Variants in DLEU7 observed in about 807,000 individuals in gnomAD.
DLEU7 encodes deleted in lymphocytic leukemia 7.
Under a neutral mutation model 16.0 loss-of-function variants are expected in DLEU7, and 17 were observed. The observed-to-expected ratio is 1.06, with a 90% confidence interval of 0.73 to 1.59. The LOEUF (loss-of-function observed/expected upper bound fraction) is 1.59. Among genes scored for constraint, DLEU7 ranks in the 40% most tolerant of loss-of-function variants. DLEU7 has a pLI of 0.00. For missense variants in DLEU7, 308 were observed against 314.9 expected, an observed-to-expected ratio of 0.98 and a Z score of 0.17; for synonymous variants, 113 against 139.8, an observed-to-expected ratio of 0.81 and a Z score of 1.35.
chr13:50,734,102 A>G (rs1445852386), intron 1 of DLEU7, among the ~76,000 whole-genome samples: 3 of 152,206 alleles, frequency 2.0e-5, no homozygotes, highest in Admixed American at 6.5e-5. Flanking sequence ...TTTTTGAACA[A>G]GGAGTTCCAC....
At chr13:50,820,644 G>A (rs570142219), downstream of DLEU7, among the ~76,000 whole-genome samples, 1 of 152,240 alleles carries the variant, frequency 6.6e-6, no homozygotes, top group East Asian at 1.9e-4. Flanking sequence ...GAGTAAACAA[G>A]GGTAAAGTTT....
At chr13:50,786,033 G>C (rs116728395) in intron 1 of DLEU7, among the ~76,000 whole-genome samples, 1 of 152,216 alleles carries the variant, frequency 6.6e-6, no homozygotes, top group Admixed American at 6.5e-5. Context: ...ACTCCAGGCA[G>C]CCATCGTTTT....
At chr13:50,772,383 T>A (rs1875344828) in intron 1 of DLEU7, among the ~76,000 whole-genome samples, 1 of 152,226 alleles carries the variant, frequency 6.6e-6, no homozygotes, top group Admixed American at 6.5e-5. Context: ...CAATTTGGCA[T>A]GTTTTTGCAG....
At chr13:50,731,195 A>G (rs1873902933) in intron 1 of DLEU7, among the ~76,000 whole-genome samples, 1 of 152,146 alleles carries the variant, frequency 6.6e-6, no homozygotes, top group Non-Finnish European at 1.5e-5. Context: ...GGGTATTTAA[A>G]CCCCAGAAAA....
At chr13:50,812,110 G>A (rs1876588983) in intron 1 of DLEU7, among the ~76,000 whole-genome samples, 1 of 150,220 alleles carries the variant, frequency 6.7e-6, no homozygotes, top group African/African-American at 2.4e-5. Context: ...GAAGAAAGTT[G>A]GTGAATATCA....
intron 1 of DLEU7, among the ~76,000 whole-genome samples, chr13:50,797,542 G>A (rs1876137677): frequency 6.6e-6 from 1 of 152,196 alleles, no homozygotes. Flanking sequence ...AAAAAGAGTA[G>A]ATGTTAGTTT....
intron 1 of DLEU7, among the ~76,000 whole-genome samples, chr13:50,841,566 T>A (rs1017982784): frequency 7.9e-4 from 120 of 151,988 alleles, no homozygotes; most frequent in Non-Finnish European, 1.1e-3. Flanking sequence ...TCACATTTTT[T>A]AAAAATCCCT....
intron 1 of DLEU7, among the ~76,000 whole-genome samples, chr13:50,804,408 C>T (rs1279089301): frequency 4.7e-5 from 7 of 149,284 alleles, no homozygotes; most frequent in Non-Finnish European, 7.4e-5. Context: ...TAATGTTGTT[C>T]GTTTTATGGG....
chr13:50,780,896 C>G (rs1875631108), intron 1 of DLEU7, among the ~76,000 whole-genome samples: 1 of 152,148 alleles, frequency 6.6e-6, no homozygotes, highest in African/African-American at 2.4e-5. Context: ...GCTCGTTTCC[C>G]CTGTTCTGCC....
intron 1 of DLEU7, among the ~76,000 whole-genome samples, chr13:50,785,068 G>A (rs370875733): frequency 1.1e-4 from 17 of 152,246 alleles, no homozygotes; most frequent in South Asian, 4.1e-4. Flanking sequence ...GTCCTGTGAA[G>A]CCTGAGTTTG....
chr13:50,780,151 A>G (rs1214871667), intron 1 of DLEU7, among the ~76,000 whole-genome samples: 1 of 152,190 alleles, frequency 6.6e-6, no homozygotes, highest in Non-Finnish European at 1.5e-5. Context: ...TAGGCTTACG[A>G]GTACAGCCAT....
At chr13:50,760,209 C>G (rs1471347) in intron 1 of DLEU7, among the ~76,000 whole-genome samples, 71,478 of 152,096 alleles carry the variant, frequency 0.47, 17,777 homozygotes, top group African/African-American at 0.62. Context: ...AAAACTTCTG[C>G]CAAATTTTAG....
At chr13:50,823,630 G>GT (rs1203108325) in intron 1 of DLEU7, 110 bp from the exon 2 acceptor site, 114,383 of 902,210 alleles carry the variant, frequency 0.13, no homozygotes, top group East Asian at 0.17. Context: ...CAGCACTCTG[G>GT]TTTTTTTTTT....
chr13:50,796,390 G>A (rs1876109712), intron 1 of DLEU7, among the ~76,000 whole-genome samples: 1 of 152,162 alleles, frequency 6.6e-6, no homozygotes, highest in African/African-American at 2.4e-5. Context: ...GTGACTCACA[G>A]GTGAGGAGCA....
upstream of DLEU7, chr13:50,843,753 G>T (rs1487824782): frequency 2.3e-5 from 33 of 1,410,138 alleles, no homozygotes; most frequent in Middle Eastern, 2.5e-4. The surrounding 1 kb of genome is among the most constrained non-coding windows in gnomAD (Gnocchi z 5.7). Context: ...GCGGCTCCTC[G>T]GCCTCTGGGT....
At chr13:50,744,568 C>A (rs1189793217) in intron 1 of DLEU7, among the ~76,000 whole-genome samples, 1 of 152,070 alleles carries the variant, frequency 6.6e-6, no homozygotes, top group Non-Finnish European at 1.5e-5. Context: ...GAGAGGAAAT[C>A]TTTTAAAGGT....
intron 1 of DLEU7, among the ~76,000 whole-genome samples, chr13:50,770,601 C>G (rs1196775060): frequency 1.3e-5 from 2 of 152,204 alleles, no homozygotes; most frequent in Non-Finnish European, 2.9e-5. Context: ...TTAAACCAGC[C>G]TTGCATCCCA....
intron 1 of DLEU7, among the ~76,000 whole-genome samples, chr13:50,801,156 G>A (rs1485810927): frequency 1.3e-5 from 2 of 152,004 alleles, no homozygotes; most frequent in African/African-American, 2.4e-5. Flanking sequence ...TTCAAAACTC[G>A]CTTAGCTAAT....
At chr13:50,842,158 T>G (rs1243241785) in intron 1 of DLEU7, among the ~76,000 whole-genome samples, 1 of 152,156 alleles carries the variant, frequency 6.6e-6, no homozygotes, top group Non-Finnish European at 1.5e-5. Context: ...AATACCTATT[T>G]GGGTATATAA....
Sources: allele counts gnomAD v4.1 joint callset (sites outside exome capture counted in the v4.1 genomes callset), GRCh38; gene constraint gnomAD v4.1.1; non-coding constraint Gnocchi (gnomAD v3.1); transcripts MANE v1.5; gene names NCBI Gene and HGNC (gene_info 2026-07-23, HGNC 2026-07-21).